TANGO6: variants seen among roughly 807,000 people sequenced by gnomAD.
The protein encoded by TANGO6 is transport and golgi organization 6 homolog.
TANGO6 carries 90 observed loss-of-function variants against 114.2 expected under a neutral mutation model. The observed-to-expected ratio is 0.79, with a 90% confidence interval of 0.66 to 0.94. TANGO6 has a LOEUF of 0.94. Among genes scored for constraint, TANGO6 ranks in the 40% least tolerant of loss-of-function variants. The probability of loss-of-function intolerance (pLI) is 0.00; values close to 1 mark genes in which losing one functional copy is unlikely to be tolerated. For missense variants in TANGO6, 1,274 were observed against 1,315.3 expected, an observed-to-expected ratio of 0.97 and a Z score of 0.49; for synonymous variants, 477 against 509.8, an observed-to-expected ratio of 0.94 and a Z score of 0.87.
chr16:68,980,407 CTCTATA>C (rs1338991010), intron 15 of TANGO6, among the ~76,000 whole-genome samples: 23 of 67,596 alleles, frequency 3.4e-4, no homozygotes, highest in African/African-American at 1.3e-3. Context: ...CTCTCTCTCT[CTCTATA>C]TATATATATA....
chr16:69,063,900 G>A (rs1245905180), intron 17 of TANGO6, among the ~76,000 whole-genome samples: 1 of 150,844 alleles, frequency 6.6e-6, no homozygotes, highest in Admixed American at 6.6e-5. Flanking sequence ...GCAATGGCAC[G>A]ATCTCAACTA....
At chr16:68,958,326 C>T (rs575099037) in intron 14 of TANGO6, among the ~76,000 whole-genome samples, 49 of 151,708 alleles carry the variant, frequency 3.2e-4, no homozygotes, top group African/African-American at 1.1e-3. Context: ...CCTGTCTCTA[C>T]TAAAACCACA....
intron 15 of TANGO6, among the ~76,000 whole-genome samples, chr16:68,982,908 A>C (rs1963853460): frequency 6.6e-6 from 1 of 151,626 alleles, no homozygotes; most frequent in Non-Finnish European, 1.5e-5. Flanking sequence ...CCTTGCTAAT[A>C]TTTATTTCTC....
intron 17 of TANGO6, among the ~76,000 whole-genome samples, chr16:69,045,853 C>T (rs1313967447): frequency 1.3e-5 from 2 of 151,658 alleles, no homozygotes; most frequent in Non-Finnish European, 2.9e-5. Flanking sequence ...ATCACGAGGT[C>T]AGGAATTCAA....
At chr16:68,968,669 A>ATTTT (rs1173517416) in intron 14 of TANGO6, among the ~76,000 whole-genome samples, 13 of 109,210 alleles carry the variant, frequency 1.2e-4, no homozygotes, top group African/African-American at 4.4e-4. Flanking sequence ...CCAGCCTAGC[A>ATTTT]TTTTTTTTTT....
At chr16:68,958,356 G>A (rs572741978) in intron 14 of TANGO6, among the ~76,000 whole-genome samples, 1 of 151,550 alleles carries the variant, frequency 6.6e-6, no homozygotes, top group Non-Finnish European at 1.5e-5. Context: ...GGGCGTGGTG[G>A]TGCATGCCTG....
At chr16:69,020,422 C>T (rs1188570295) in intron 15 of TANGO6, among the ~76,000 whole-genome samples, 1 of 152,182 alleles carries the variant, frequency 6.6e-6, no homozygotes, top group Non-Finnish European at 1.5e-5. Flanking sequence ...AGGCTTAAAA[C>T]ATTTAGGAAC....
intron 12 of TANGO6, among the ~76,000 whole-genome samples, chr16:68,922,938 TG>T (rs1963114989): frequency 7.0e-6 from 1 of 142,512 alleles, no homozygotes; most frequent in Admixed American, 7.1e-5. Context: ...GCTTAGGTCA[TG>T]TTTTTTTTTT....
At chr16:69,030,316 T>C (rs1308943908) in intron 16 of TANGO6, among the ~76,000 whole-genome samples, 1 of 152,004 alleles carries the variant, frequency 6.6e-6, no homozygotes, top group African/African-American at 2.4e-5. Context: ...ATGGGTGCTA[T>C]GGGAGCACCT....
chr16:68,975,325 T>C (rs1334120019), intron 15 of TANGO6, among the ~76,000 whole-genome samples: 1 of 151,814 alleles, frequency 6.6e-6, no homozygotes, highest in Non-Finnish European at 1.5e-5. Flanking sequence ...AAGCTGACAA[T>C]AGTAGTTAAG....
intron 14 of TANGO6, among the ~76,000 whole-genome samples, chr16:68,940,041 C>CCCTT (rs930336512): frequency 6.6e-6 from 1 of 151,656 alleles, no homozygotes; most frequent in African/African-American, 2.4e-5. Context: ...TTCCCTCCCT[C>CCCTT]CCTTCCTTCC....
Position 68,875,106 on chromosome 16 carries a change from C to T in TANGO6, c.995-48C>T, listed in dbSNP as rs200741190. 5.7e-5 allele frequency: 88 copies of T among 1,556,072 alleles called. No homozygotes were observed. In the Admixed American group the frequency reaches 1.5e-3, roughly 27 times the overall value. ...AGACAAATTTGTTACATGGGACCTT[C>T]TGTGGGGAATTGCTGTGAGCTGCTA... On this transcript the variant is annotated intron_variant, in intron 4 of 17. Coordinates refer to ENST00000261778, the MANE Select transcript of TANGO6 (RefSeq NM_024562.2).
At chr16:68,942,222 T>C (rs1000061930) in intron 14 of TANGO6, among the ~76,000 whole-genome samples, 15 of 151,700 alleles carry the variant, frequency 9.9e-5, no homozygotes, top group African/African-American at 3.4e-4. Context: ...CTTGGGAAGC[T>C]GAGGCAGGAG....
rs1163596886 is a variant in TANGO6, at chr16:68,867,068, C to A, written c.853-11C>A. ...TGACATTCAGAATTCACACCTTCTT[C>A]TTTTTCTCAGTCCTGCACAGATGTG... On this transcript the variant is annotated splice_polypyrimidine_tract_variant and intron_variant, in intron 3 of 17. Coordinates refer to ENST00000261778, the MANE Select transcript of TANGO6 (RefSeq NM_024562.2). The A allele has an allele frequency of 1.4e-6, 2 of 1,407,976 alleles. No homozygotes were observed. 87.2% of individuals were successfully genotyped at this position (1,407,976 alleles called of 1,614,324 possible).
Position 68,844,119 on chromosome 16 carries a change from G to A in TANGO6, c.94+408G>A, listed in dbSNP as rs561023298. On this transcript the variant is annotated intron_variant, in intron 1 of 17. Transcript: ENST00000261778. ...CGCAGGGGCCAGCATGGACCCTTGA[G>A]ATTTGTACGAAATGCCAAGAAGTCC... is the stretch of plus-strand genomic sequence containing the variant. Among the ~76,000 whole-genome samples, 5 of 152,280 alleles carry A rather than the reference G, an allele frequency of 3.3e-5. No homozygotes were observed. In the South Asian group the frequency reaches 1.0e-3, roughly 32 times the overall value.
intron 1 of TANGO6, among the ~76,000 whole-genome samples, chr16:68,856,432 A>G (rs1337808068): frequency 1.3e-5 from 2 of 152,258 alleles, no homozygotes; most frequent in Admixed American, 6.5e-5. Context: ...TATTCCTGGC[A>G]TAAACCACAC....
rs1016572890 is a variant in TANGO6 at position 69,063,765 on chromosome 16, G to A, written c.3109-19720G>A. On this transcript the variant is annotated intron_variant, in intron 17 of 17. Transcript: ENST00000261778. ...TCAGAGGCAATGGTATTCACTCTGG[G>A]CAGCGTAGCCATACTTTTCTTCTTC... Among the ~76,000 whole-genome samples, 8 of 142,212 alleles carry A rather than the reference G, an allele frequency of 5.6e-5. No individual in the cohort carries two copies. In the East Asian group the frequency reaches 1.6e-3, roughly 28 times the overall value. 93.3% of individuals were successfully genotyped at this position (142,212 alleles called of 152,430 possible). A position where few individuals can be genotyped will look rare whatever the true frequency, so the allele number is the denominator to read the frequency against.
intron 17 of TANGO6, among the ~76,000 whole-genome samples, chr16:69,082,743 CA>C (rs530952694): frequency 0.011 from 1,449 of 135,170 alleles, 17 homozygotes; most frequent in South Asian, 0.065. Flanking sequence ...GACTCCGTCT[CA>C]AAAAAAAAAA....
intron 14 of TANGO6, among the ~76,000 whole-genome samples, chr16:68,952,380 C>T (rs1286485615): frequency 1.3e-5 from 2 of 152,098 alleles, no homozygotes; most frequent in Non-Finnish European, 2.9e-5. Context: ...TAGAGGTGCA[C>T]CCTGCTTTTG....
Sources: gnomAD v4.1 joint callset for allele counts (sites outside exome capture counted in the v4.1 genomes callset) on GRCh38, gnomAD v4.1.1 for gene constraint, MANE v1.5 for transcripts, NCBI Gene and HGNC (gene_info 2026-07-23, HGNC 2026-07-21) for gene names.